Variants in PRR16 observed in about 807,000 individuals in gnomAD.
PRR16 encodes proline rich 16, also known as protein Largen.
Under a neutral mutation model 18.2 loss-of-function variants are expected in PRR16, and 6 were observed. The ratio of observed to expected loss-of-function variants is 0.33; its 90% CI spans 0.18 to 0.65. The LOEUF is 0.65. PRR16 is among the 30% of genes least tolerant of loss of function. PRR16 has a pLI of 0.74. For synonymous variants in PRR16, 151 were observed against 147.8 expected, an observed-to-expected ratio of 1.02 and a Z score of -0.16; for missense variants, 412 against 376.6, an observed-to-expected ratio of 1.09 and a Z score of -0.78.
intron 1 of PRR16, among the ~76,000 whole-genome samples, chr5:120,597,713 T>C (rs1225695689): frequency 6.6e-6 from 1 of 151,790 alleles, no homozygotes; most frequent in East Asian, 1.9e-4. Flanking sequence ...AACTATAGTG[T>C]CTGGATATTT....
chr5:120,576,540 A>G lies in PRR16; in HGVS notation c.160-109414A>G, dbSNP rs112777065. ...CAGGTGTTGGTGAGGATGTGGAGTAAAGGAAACCCTTATACTCTGCTGGCG... is the reference window on the plus strand; with the variant it reads ...CAGGTGTTGGTGAGGATGTGGAGTAGAGGAAACCCTTATACTCTGCTGGCG... On this transcript the variant is annotated intron_variant, in intron 1 of 1. Transcript: ENST00000407149. Among the ~76,000 whole-genome samples, 313 of 152,316 alleles carry G rather than the reference A, an allele frequency of 2.1e-3. 1 individual carries two copies. Among genetic ancestry groups the G allele is most frequent in the African/African-American group, 7.0e-3 (292 of 41,568 alleles).
intron 1 of PRR16, among the ~76,000 whole-genome samples, chr5:120,508,629 T>C (rs1750722634): frequency 6.6e-6 from 1 of 152,138 alleles, no homozygotes; most frequent in South Asian, 2.1e-4. Flanking sequence ...GGGCTCAATC[T>C]TCTCCAGTAT....
chr5:120,777,822 G>T, the PRR16 span, among the ~76,000 whole-genome samples: 2 of 152,104 alleles, frequency 1.3e-5, no homozygotes, highest in African/African-American at 2.4e-5. Flanking sequence ...AATTAAAAAT[G>T]TGGAAATCAT....
chr5:120,702,760 A>G, the PRR16 span, among the ~76,000 whole-genome samples: 1 of 152,160 alleles, frequency 6.6e-6, no homozygotes, highest in African/African-American at 2.4e-5. Context: ...AGGAGAAAGT[A>G]GTGGAGGGAC....
chr5:120,577,313 G>C (rs1225253815), intron 1 of PRR16, among the ~76,000 whole-genome samples: 1 of 151,830 alleles, frequency 6.6e-6, no homozygotes, highest in Non-Finnish European at 1.5e-5. Flanking sequence ...CATATGACTT[G>C]GCAAATGTTG....
chr5:120,618,970 G>GA (rs149890181), intron 1 of PRR16, among the ~76,000 whole-genome samples: 33,523 of 151,804 alleles, frequency 0.22, 4,394 homozygotes, highest in Middle Eastern at 0.4. Flanking sequence ...CAAAAAGTCA[G>GA]AACAAAAAGT....
At chr5:120,768,669 A>G in the PRR16 span, among the ~76,000 whole-genome samples, 1 of 151,800 alleles carries the variant, frequency 6.6e-6, no homozygotes, top group African/African-American at 2.4e-5. Context: ...TTTTGAAAAA[A>G]AATAAATGGT....
intron 1 of PRR16, among the ~76,000 whole-genome samples, chr5:120,473,367 A>G (rs1174975411): frequency 6.6e-6 from 1 of 152,148 alleles, no homozygotes; most frequent in Non-Finnish European, 1.5e-5. Context: ...AAGGTGGCAT[A>G]GTATAGAAGG....
chr5:120,722,547 AT>A, the PRR16 span, among the ~76,000 whole-genome samples: 1 of 152,120 alleles, frequency 6.6e-6, no homozygotes, highest in South Asian at 2.1e-4. Flanking sequence ...GGGTTCTAGT[AT>A]TTTTCTATCT....
intron 1 of PRR16, among the ~76,000 whole-genome samples, chr5:120,507,016 G>A (rs7710004): frequency 0.3 from 44,933 of 151,870 alleles, 7,744 homozygotes; most frequent in African/African-American, 0.48. Flanking sequence ...AATGTCTACT[G>A]CTCCATTCAT....
rs79602876 is a variant in PRR16, at chr5:120,563,371, T to C, written c.159+98726T>C. Among the ~76,000 whole-genome samples the C allele has an allele frequency of 4.1e-4, 62 of 152,310 alleles. 2 individuals carry two copies. In the East Asian group the frequency reaches 6.8e-3, roughly 17 times the overall value. ...GTCCTAGTAGGGTCTAGAGATGCTCTCTGGGAGTCAGGGATCAAAAACCTT... is the reference window on the plus strand; with the variant it reads ...GTCCTAGTAGGGTCTAGAGATGCTCCCTGGGAGTCAGGGATCAAAAACCTT... On this transcript the variant is annotated intron_variant, in intron 1 of 1. Transcript: ENST00000407149.
intron 1 of PRR16, among the ~76,000 whole-genome samples, chr5:120,684,961 T>C (rs1757076913): frequency 1.3e-5 from 2 of 152,192 alleles, no homozygotes; most frequent in South Asian, 4.1e-4. Context: ...CCTTGACTGG[T>C]GTGACTTCCT....
chr5:120,723,474 A>C, the PRR16 span, among the ~76,000 whole-genome samples: 2 of 152,032 alleles, frequency 1.3e-5, no homozygotes, highest in Non-Finnish European at 2.9e-5. Context: ...AATTACAAAA[A>C]TTTAATGACT....
the PRR16 span, among the ~76,000 whole-genome samples, chr5:120,741,876 C>T: frequency 1.3e-5 from 2 of 152,170 alleles, no homozygotes; most frequent in African/African-American, 4.8e-5. Context: ...GCTGGGATTG[C>T]AGGCATGAGC....
At chr5:120,674,714 A>G (rs1406060380) in intron 1 of PRR16, among the ~76,000 whole-genome samples, 4 of 151,932 alleles carry the variant, frequency 2.6e-5, no homozygotes, top group Non-Finnish European at 4.4e-5. Context: ...TATTATTACC[A>G]TCTCACAATT....
At chr5:120,711,696 C>T in the PRR16 span, among the ~76,000 whole-genome samples, 1 of 152,154 alleles carries the variant, frequency 6.6e-6, no homozygotes, top group Non-Finnish European at 1.5e-5. Context: ...CAAAGTCCTG[C>T]TTTTATTATA....
intron 1 of PRR16, among the ~76,000 whole-genome samples, chr5:120,596,782 G>C (rs1012833295): frequency 6.6e-6 from 1 of 150,694 alleles, no homozygotes; most frequent in Non-Finnish European, 1.5e-5. Context: ...CTGTATTTAT[G>C]TTCCATGTAT....
the PRR16 span, among the ~76,000 whole-genome samples, chr5:120,781,001 G>T: frequency 1.3e-5 from 2 of 152,142 alleles, no homozygotes; most frequent in South Asian, 4.1e-4. Context: ...AGTGAGCCGA[G>T]ATCGCGCCAC....
At chr5:120,785,971 ATT>A in the PRR16 span, among the ~76,000 whole-genome samples, 2 of 138,276 alleles carry the variant, frequency 1.4e-5, no homozygotes, top group Non-Finnish European at 3.3e-5. Flanking sequence ...TATTTTAGTC[ATT>A]CTTTAAAAAA....
Sources: allele counts gnomAD v4.1 joint callset (sites outside exome capture counted in the v4.1 genomes callset), GRCh38; gene constraint gnomAD v4.1.1; transcripts MANE v1.5; gene names NCBI Gene and HGNC (gene_info 2026-07-23, HGNC 2026-07-21).